Variants in RFX7 observed in about 807,000 individuals in gnomAD.
RFX7 encodes the protein DNA-binding protein RFX7.
Under a neutral mutation model 111.8 loss-of-function variants are expected in RFX7, and 26 were observed. The observed-to-expected ratio is 0.23, with a 90% CI of 0.17 to 0.32. RFX7 has a LOEUF of 0.32. RFX7 is among the 10% of genes least tolerant of loss of function. The probability of loss-of-function intolerance (pLI) is 1.00; values close to 1 mark genes in which losing one functional copy is unlikely to be tolerated. For missense variants in RFX7, 1,573 were observed against 1,772.9 expected, an observed-to-expected ratio of 0.89 and a Z score of 2.02; for synonymous variants, 624 against 624.4, an observed-to-expected ratio of 1.00 and a Z score of 0.01.
In RFX7 at chr15:56,174,388, A is replaced by G. The variant is rs148885510; in HGVS notation, c.195+4882T>C. ...AGATTAGATAGTTCAGGGGAAAAGA[A>G]TAAGAAAAGTGATAATAGAGAAACA... On this transcript the variant is annotated intron_variant, in intron 3 of 9. Transcript: ENST00000559447. Among the ~76,000 whole-genome samples, 163 of 152,334 alleles carry G rather than the reference A, an allele frequency of 1.1e-3. 1 individual carries two copies. Among genetic ancestry groups the G allele is most frequent in the African/African-American group, 3.8e-3 (156 of 41,580 alleles).
chr15:56,110,266 T>TG lies in RFX7; in HGVS notation c.402-6597dup, dbSNP rs1260734555. 2.5e-3 allele frequency among the ~76,000 whole-genome samples: 36 copies of TG among 14,688 alleles called. 3 individuals carry two copies. The highest frequency in any genetic ancestry group is 3.8e-3 in the African/African-American group (14 of 3,666). 9.6% of individuals were successfully genotyped at this position (14,688 alleles called of 152,430 possible). On this transcript the variant is annotated intron_variant, in intron 5 of 9. Transcript: ENST00000559447. ...CCAGCCGCCCCGTCCGGGAGGGAGG[T>TG]GGGGGGGGGTCAGCCCCCCGCCTGG...
At position 56,096,595 on chromosome 15, in the gene RFX7, G is replaced by C. The variant is rs1419467170; in HGVS notation, c.1133C>G (p.Thr378Ser). Residue 378 changes from threonine to serine, a missense_variant, in exon 10 of 10, where the codon ACT becomes AGT. Thr to Ser is a moderately conservative substitution (Grantham distance 58). This residue lies in a region of RFX7 where 288 missense variants were observed against 337.9 expected (regional missense o/e 0.85). Coordinates refer to ENST00000559447, the MANE Select transcript of RFX7 (RefSeq NM_022841.7). ...AGAAGAACTCATTGGACTCGGTGAA[G>C]TTACCAATTGCCTAGTCCGCTGGAC... ...IPVQRTRQLVTSPSPMSSSDG... is the reference protein window; with the variant it reads ...IPVQRTRQLVSSPSPMSSSDG... The C allele has an allele frequency of 1.3e-6, 2 of 1,589,382 alleles. No homozygotes were observed. Among genetic ancestry groups the C allele is most frequent in the Non-Finnish European group, 1.7e-6 (2 of 1,167,098 alleles).
At chr15:56,236,566 A>G (rs12595490) in intron 2 of RFX7, among the ~76,000 whole-genome samples, 19,874 of 152,196 alleles carry the variant, frequency 0.13, 1,722 homozygotes, top group East Asian at 0.46. Flanking sequence ...CATGTTCCTT[A>G]TAATTTACAA....
intron 3 of RFX7, among the ~76,000 whole-genome samples, chr15:56,173,842 A>C (rs2042873011): frequency 6.6e-6 from 1 of 152,222 alleles, no homozygotes; most frequent in African/African-American, 2.4e-5. Flanking sequence ...TTAGCAATCA[A>C]GGAATTTAAG....
chr15:56,129,540 C>CTA (rs1237955209), intron 5 of RFX7, among the ~76,000 whole-genome samples: 1 of 152,080 alleles, frequency 6.6e-6, no homozygotes, highest in Non-Finnish European at 1.5e-5. Flanking sequence ...ACTGTTGAAC[C>CTA]TATGTGAAGC....
chr15:56,235,500 A>T (rs2043613391), intron 2 of RFX7, among the ~76,000 whole-genome samples: 1 of 152,162 alleles, frequency 6.6e-6, no homozygotes, highest in East Asian at 1.9e-4. Flanking sequence ...AAGCCACAGA[A>T]AAACAGAAAA....
intron 2 of RFX7, among the ~76,000 whole-genome samples, chr15:56,214,989 C>T (rs1228199551): frequency 5.5e-4 from 84 of 152,122 alleles, no homozygotes; most frequent in Non-Finnish European, 3.2e-4. Flanking sequence ...TTTCTTGTTT[C>T]TAATTTTAAA....
At position 56,098,067 on chromosome 15, in the gene RFX7, T is replaced by C. The variant is rs1223178394; in HGVS notation, c.1107+14A>G. 1.9e-6 allele frequency: 3 copies of C among 1,609,514 alleles called. No individual in the cohort carries two copies. The African/African-American group carries it at 4.0e-5, about 22-fold the overall frequency. Reference sequence around the variant, plus strand: ...ACCATCCCAATAAGGCCAAATACTATTTAATTATATTACCGGAATGGGACT... The same window carrying C: ...ACCATCCCAATAAGGCCAAATACTACTTAATTATATTACCGGAATGGGACT... On this transcript the variant is annotated intron_variant, in intron 9 of 9. Transcript: ENST00000559447.
intron 3 of RFX7, among the ~76,000 whole-genome samples, chr15:56,150,489 C>T (rs914227637): frequency 6.6e-6 from 1 of 152,346 alleles, no homozygotes; most frequent in African/African-American, 2.4e-5. Flanking sequence ...TGCTGCTCTG[C>T]AGCCTCCGCT....
intron 5 of RFX7, among the ~76,000 whole-genome samples, chr15:56,126,681 AC>A (rs749455336): frequency 1.3e-5 from 2 of 152,200 alleles, no homozygotes; most frequent in African/African-American, 2.4e-5. Context: ...ATATTCAAAG[AC>A]ACAAATAGGC....
At chr15:56,244,951 A>C (rs1186363437), upstream of RFX7, among the ~76,000 whole-genome samples, 2 of 152,314 alleles carry the variant, frequency 1.3e-5, no homozygotes, top group African/African-American at 4.8e-5. Flanking sequence ...ACAACAGCCA[A>C]GGCCTCTGGC....
Position 56,161,469 on chromosome 15 carries a change from T to C in RFX7, c.196-16986A>G, listed in dbSNP as rs1319255269. The stretch of plus-strand genomic sequence containing the variant: ...AAACTAAGAAATGATTATATTACAT[T>C]ATAAAAGAAAAAAGTAGGGACATTC... On this transcript the variant is annotated intron_variant, in intron 3 of 9. Transcript: ENST00000559447. Among the ~76,000 whole-genome samples the C allele has an allele frequency of 2.0e-5, 3 of 152,006 alleles. No homozygotes were observed. In the South Asian group the frequency reaches 6.2e-4, roughly 31 times the overall value.
intron 5 of RFX7, among the ~76,000 whole-genome samples, chr15:56,119,606 GTC>G (rs2042049516): frequency 6.6e-6 from 1 of 151,772 alleles, no homozygotes; most frequent in Non-Finnish European, 1.5e-5. Flanking sequence ...GTGAAACCCT[GTC>G]TCTACTAAAA....
At chr15:56,153,095 G>C (rs2042598441) in intron 3 of RFX7, among the ~76,000 whole-genome samples, 1 of 152,102 alleles carries the variant, frequency 6.6e-6, no homozygotes, top group Admixed American at 6.5e-5. Flanking sequence ...AAAAGTCCAT[G>C]ACCAGACGGA....
chr15:56,093,863 G>C lies in RFX7; in HGVS notation c.3865C>G (p.Pro1289Ala), dbSNP rs768916581. Reference protein sequence around the residue: ...ARMNLTQILEPSTVFPSANPQ... With the variant: ...ARMNLTQILEASTVFPSANPQ... ...TTGGCACTAGGAAAAACAGTGGAAG[G>C]TTCCAAAATCTGAGTGAGATTCATC... The change falls in exon 10 of 10, where the codon CCT (proline) becomes GCT (alanine). Residue 1289 changes from proline (P) to alanine (A), a missense_variant. Around this residue, in one of 7 missense-constraint regions of RFX7, gnomAD observed 411 missense variants for 478.1 expected, o/e 0.86. Coordinates refer to ENST00000559447, the MANE Select transcript of RFX7 (RefSeq NM_022841.7). 25 of 1,613,812 alleles carry C rather than the reference G, an allele frequency of 1.5e-5. No individual in the cohort carries two copies. Among genetic ancestry groups the C allele is most frequent in the African/African-American group, 1.1e-4 (8 of 74,908 alleles).
At chr15:56,102,502 A>G (rs1339794047) in intron 6 of RFX7, among the ~76,000 whole-genome samples, 2 of 152,204 alleles carry the variant, frequency 1.3e-5, no homozygotes, top group Non-Finnish European at 2.9e-5. Flanking sequence ...TCTGTTATAA[A>G]TTTTATGAAT....
chr15:56,184,565 T>C (rs1341672051), intron 2 of RFX7, among the ~76,000 whole-genome samples: 1 of 152,182 alleles, frequency 6.6e-6, no homozygotes, highest in Non-Finnish European at 1.5e-5. Context: ...ATAATTCTGG[T>C]AACATCTGTT....
chr15:56,223,178 T>A (rs111966141), intron 2 of RFX7, among the ~76,000 whole-genome samples: 6 of 152,186 alleles, frequency 3.9e-5, no homozygotes, highest in Non-Finnish European at 8.8e-5. Flanking sequence ...GCCCCAACAG[T>A]TGTTCTTAGA....
intron 3 of RFX7, among the ~76,000 whole-genome samples, chr15:56,146,933 G>A (rs1176693754): frequency 2.6e-5 from 4 of 152,168 alleles, no homozygotes; most frequent in Non-Finnish European, 5.9e-5. Flanking sequence ...AAGATTTCTG[G>A]TTTTGGATAT....
Sources: allele counts gnomAD v4.1 joint callset (sites outside exome capture counted in the v4.1 genomes callset), GRCh38; gene constraint gnomAD v4.1.1; regional missense constraint gnomAD v4.1.1; transcripts MANE v1.5; gene names NCBI Gene and HGNC (gene_info 2026-07-23, HGNC 2026-07-21).